LOC400499: variants seen among roughly 807,000 people sequenced by gnomAD.
the LOC400499 span, among the ~76,000 whole-genome samples, chr16:11,389,709 A>AAAAG: frequency 2.0e-5 from 3 of 150,446 alleles, no homozygotes; most frequent in Non-Finnish European, 3.0e-5. Context: ...AAAAAAAAAA[A>AAAAG]GATTACAAAA....
At chr16:11,395,742 C>T in the LOC400499 span, among the ~76,000 whole-genome samples, 2 of 152,214 alleles carry the variant, frequency 1.3e-5, no homozygotes, top group Non-Finnish European at 2.9e-5. Flanking sequence ...AAACGAAAGT[C>T]ACGAGGCCAA....
the LOC400499 span, chr16:11,407,274 G>A: frequency 2.5e-6 from 1 of 398,028 alleles, no homozygotes; most frequent in Admixed American, 4.4e-5. Flanking sequence ...GTGCTGATGT[G>A]AAAATGACGC....
chr16:11,411,861 T>C, the LOC400499 span, among the ~76,000 whole-genome samples: 9 of 143,746 alleles, frequency 6.3e-5, no homozygotes, highest in African/African-American at 2.4e-4. Flanking sequence ...TTTTCTTTTT[T>C]TTTTTTTCCT....
the LOC400499 span, chr16:11,396,308 A>C: frequency 4.6e-6 from 2 of 433,718 alleles, no homozygotes; most frequent in Admixed American, 9.0e-5. Context: ...TCTTGGCGCC[A>C]GGGCCAGGCC....
chr16:11,420,596 A>AC, the LOC400499 span, among the ~76,000 whole-genome samples: 22 of 76,220 alleles, frequency 2.9e-4, no homozygotes, highest in Admixed American at 3.4e-4. Flanking sequence ...AATAATAATA[A>AC]ACCCCCCCCC....
the LOC400499 span, among the ~76,000 whole-genome samples, chr16:11,409,091 T>C: frequency 6.6e-6 from 1 of 151,586 alleles, no homozygotes; most frequent in Non-Finnish European, 1.5e-5. Context: ...CGAAACCCCA[T>C]CTCTACCAAA....
At chr16:11,474,608 C>T in the LOC400499 span, among the ~76,000 whole-genome samples, 1 of 152,034 alleles carries the variant, frequency 6.6e-6, no homozygotes, top group African/African-American at 2.4e-5. Flanking sequence ...GCCTGTAATC[C>T]CATTACTTTG....
At chr16:11,486,985 G>C in the LOC400499 span, among the ~76,000 whole-genome samples, 1 of 151,256 alleles carries the variant, frequency 6.6e-6, no homozygotes, top group East Asian at 1.9e-4. Flanking sequence ...GGATGGACGA[G>C]ATGAATGAGA....
the LOC400499 span, among the ~76,000 whole-genome samples, chr16:11,401,692 G>A: frequency 6.6e-6 from 1 of 152,212 alleles, no homozygotes; most frequent in African/African-American, 2.4e-5. Context: ...CCCCGGGCAG[G>A]TCACTGCACC....
At chr16:11,383,538 A>G in the LOC400499 span, 1 of 1,162,674 alleles carries the variant, frequency 8.6e-7, no homozygotes, top group South Asian at 4.4e-5. Context: ...TCCTTGAATG[A>G]CAATTATTTG....
chr16:11,395,034 C>T, the LOC400499 span, among the ~76,000 whole-genome samples: 2 of 152,250 alleles, frequency 1.3e-5, no homozygotes, highest in Non-Finnish European at 2.9e-5. Context: ...AATAGGGCTA[C>T]AGCCCAGGAC....
chr16:11,395,888 C>T, the LOC400499 span, among the ~76,000 whole-genome samples: 1 of 152,066 alleles, frequency 6.6e-6, no homozygotes. Flanking sequence ...ATATCTGATC[C>T]CCTCCTACAG....
chr16:11,452,460 G>T, the LOC400499 span, among the ~76,000 whole-genome samples: 3 of 152,166 alleles, frequency 2.0e-5, no homozygotes, highest in African/African-American at 4.8e-5. Context: ...CACACGCGGG[G>T]TTCATGATCA....
At chr16:11,389,913 C>T in the LOC400499 span, among the ~76,000 whole-genome samples, 1 of 152,122 alleles carries the variant, frequency 6.6e-6, no homozygotes, top group Non-Finnish European at 1.5e-5. Context: ...TGCCTACCCT[C>T]GGCCAGTGCT....
the LOC400499 span, among the ~76,000 whole-genome samples, chr16:11,452,602 T>C: frequency 6.6e-6 from 1 of 152,246 alleles, no homozygotes; most frequent in Non-Finnish European, 1.5e-5. Flanking sequence ...GACAACTGCA[T>C]CTGCCCAGGC....
the LOC400499 span, chr16:11,396,822 A>G: frequency 4.6e-5 from 28 of 613,442 alleles, no homozygotes; most frequent in Admixed American, 8.7e-5. Context: ...AAGAAACGCA[A>G]ATCAGATGCC....
chr16:11,521,158 C>T, the LOC400499 span, among the ~76,000 whole-genome samples: 3 of 152,170 alleles, frequency 2.0e-5, no homozygotes, highest in African/African-American at 7.2e-5. Flanking sequence ...AAGACCTCAT[C>T]CTGTGGTCTA....
chr16:11,382,413 T>A, the LOC400499 span, among the ~76,000 whole-genome samples: 1 of 151,880 alleles, frequency 6.6e-6, no homozygotes, highest in Non-Finnish European at 1.5e-5. Context: ...CTATGCCCAT[T>A]TAGTGGGGCT....
the LOC400499 span, among the ~76,000 whole-genome samples, chr16:11,414,857 A>G: frequency 1.3e-5 from 2 of 152,148 alleles, no homozygotes; most frequent in Non-Finnish European, 2.9e-5. Flanking sequence ...ATCTCCCTGG[A>G]GTGTGGTTTC....
Sources: gnomAD v4.1 joint callset for allele counts (sites outside exome capture counted in the v4.1 genomes callset) on GRCh38, gnomAD v4.1.1 for gene constraint, MANE v1.5 for transcripts.